Variants in SHISA9 observed in about 807,000 individuals in gnomAD.
The protein encoded by SHISA9 is shisa family member 9, also known as protein shisa-9.
SHISA9 carries 13 observed loss-of-function variants against 38.0 expected under a neutral mutation model. That is an observed-to-expected ratio of 0.34 (90% CI 0.22 to 0.54). SHISA9 has a LOEUF of 0.54. Ranked by LOEUF, SHISA9 falls within the 20% of genes least tolerant of loss-of-function variation. SHISA9 has a pLI of 0.91. For missense variants in SHISA9, 538 were observed against 575.8 expected (o/e 0.93, Z 0.67); for synonymous variants, 275 against 242.0 (o/e 1.14, Z -1.27).
intron 1 of SHISA9, among the ~76,000 whole-genome samples, chr16:12,912,119 G>A (rs79593758): frequency 0.14 from 22,040 of 152,024 alleles, 1,653 homozygotes; most frequent in South Asian, 0.28. Flanking sequence ...ATCAATACAC[G>A]TAAGACCATA....
chr16:13,375,135 G>A, the SHISA9 span, among the ~76,000 whole-genome samples: 10 of 152,222 alleles, frequency 6.6e-5, no homozygotes, highest in South Asian at 2.1e-4. Flanking sequence ...TGTTCACTCC[G>A]ATGGTAGTTT....
At chr16:13,538,035 G>C in the SHISA9 span, among the ~76,000 whole-genome samples, 1 of 152,110 alleles carries the variant, frequency 6.6e-6, no homozygotes, top group Non-Finnish European at 1.5e-5. Flanking sequence ...GACTGTTGAA[G>C]TTTCTCTAAA....
chr16:13,538,271 G>C, the SHISA9 span, among the ~76,000 whole-genome samples: 1 of 152,114 alleles, frequency 6.6e-6, no homozygotes, highest in East Asian at 1.9e-4. Context: ...CTCTCAAATT[G>C]CTCTGTAATT....
the SHISA9 span, among the ~76,000 whole-genome samples, chr16:13,560,190 A>T: frequency 3.9e-5 from 6 of 152,184 alleles, no homozygotes; most frequent in African/African-American, 1.4e-4. Context: ...CAAACTGTGT[A>T]CAGGAGTCTA....
chr16:13,374,201 T>A, the SHISA9 span, among the ~76,000 whole-genome samples: 6 of 152,062 alleles, frequency 3.9e-5, no homozygotes, highest in African/African-American at 1.4e-4. Context: ...AGTTCTAGGG[T>A]ACATGTGCAC....
At chr16:13,380,154 C>A in the SHISA9 span, among the ~76,000 whole-genome samples, 1 of 150,938 alleles carries the variant, frequency 6.6e-6, no homozygotes, top group Non-Finnish European at 1.5e-5. Context: ...TTTTCAGAAT[C>A]CTCAAAAAAA....
At chr16:13,090,933 C>T (rs972547376) in intron 2 of SHISA9, among the ~76,000 whole-genome samples, 2 of 152,118 alleles carry the variant, frequency 1.3e-5, no homozygotes, top group Non-Finnish European at 2.9e-5. Context: ...GTGGCTGGTA[C>T]CAGTTGTTTC....
chr16:13,534,155 C>G, the SHISA9 span, among the ~76,000 whole-genome samples: 1 of 152,110 alleles, frequency 6.6e-6, no homozygotes, highest in South Asian at 2.1e-4. Flanking sequence ...TTCTTTTTAC[C>G]ATTTACAACA....
the SHISA9 span, among the ~76,000 whole-genome samples, chr16:13,476,738 G>GGTTTTTTTTTTTTTTTTT: frequency 1.5e-5 from 1 of 65,182 alleles, no homozygotes; most frequent in African/African-American, 5.5e-5. Context: ...CCTGTTTTGT[G>GGTTTTTTTTTTTTTTTTT]TTTTTTTTTT....
chr16:13,079,579 G>A (rs1295032766), intron 2 of SHISA9, among the ~76,000 whole-genome samples: 1 of 152,142 alleles, frequency 6.6e-6, no homozygotes, highest in Non-Finnish European at 1.5e-5. Flanking sequence ...GAGGCTGCTT[G>A]TGCCAATCAT....
intron 2 of SHISA9, among the ~76,000 whole-genome samples, chr16:13,191,417 T>G: frequency 6.6e-6 from 1 of 152,206 alleles, no homozygotes; most frequent in South Asian, 2.1e-4. Flanking sequence ...TGTTATGTTG[T>G]CTTGGCTTTC....
At chr16:13,293,604 C>T in the SHISA9 span, among the ~76,000 whole-genome samples, 1 of 152,130 alleles carries the variant, frequency 6.6e-6, no homozygotes, top group African/African-American at 2.4e-5. Flanking sequence ...AAAACAAGCA[C>T]CTGATAAGTG....
chr16:13,560,632 A>G, the SHISA9 span, among the ~76,000 whole-genome samples: 1 of 152,080 alleles, frequency 6.6e-6, no homozygotes, highest in Non-Finnish European at 1.5e-5. Context: ...GCTAGGTTCT[A>G]GGGATACAGA....
chr16:13,337,565 G>A, the SHISA9 span, among the ~76,000 whole-genome samples: 7 of 152,094 alleles, frequency 4.6e-5, no homozygotes, highest in Non-Finnish European at 8.8e-5. Context: ...CCAGATAATG[G>A]GCTTTTCTAG....
intron 2 of SHISA9, among the ~76,000 whole-genome samples, chr16:12,951,989 T>G (rs1271714598): frequency 6.6e-6 from 1 of 152,240 alleles, no homozygotes; most frequent in Non-Finnish European, 1.5e-5. Flanking sequence ...TACTTGGTAT[T>G]CTGCAGGTCT....
the SHISA9 span, among the ~76,000 whole-genome samples, chr16:13,503,850 A>G: frequency 6.6e-6 from 1 of 152,220 alleles, no homozygotes; most frequent in South Asian, 2.1e-4. Context: ...GCAGAGGGGC[A>G]AGAATGGAAT....
At chr16:12,902,849 C>CGT (rs3974950) in intron 1 of SHISA9, 20,595 of 467,886 alleles carry the variant, frequency 0.044, 37 homozygotes, top group Non-Finnish European at 0.047. Context: ...TGTGTGTGAG[C>CGT]GTGTGTGTGT....
intron 2 of SHISA9, among the ~76,000 whole-genome samples, chr16:13,050,957 T>C (rs1567195635): frequency 6.6e-6 from 1 of 152,258 alleles, no homozygotes; most frequent in Non-Finnish European, 1.5e-5. Context: ...GTTCTGTTTT[T>C]ACCAGTTCTT....
chr16:13,382,794 G>A, the SHISA9 span, among the ~76,000 whole-genome samples: 3 of 152,106 alleles, frequency 2.0e-5, no homozygotes, highest in African/African-American at 7.2e-5. Flanking sequence ...GGAGGCAGAA[G>A]CTGCAGTGAG....
Sources: gnomAD v4.1 joint callset for allele counts (sites outside exome capture counted in the v4.1 genomes callset) on GRCh38, gnomAD v4.1.1 for gene constraint, MANE v1.5 for transcripts, NCBI Gene and HGNC (gene_info 2026-07-23, HGNC 2026-07-21) for gene names.